CCDC102B: variants seen among roughly 807,000 people sequenced by gnomAD.
CCDC102B encodes the protein coiled-coil domain containing 102B, also known as coiled-coil domain-containing protein 102B.
CCDC102B carries 75 observed loss-of-function variants against 57.4 expected under a neutral mutation model. That is an observed-to-expected ratio of 1.31 (90% confidence interval 1.08 to 1.58). CCDC102B has a LOEUF of 1.58. Among genes scored for constraint, CCDC102B ranks in the 40% most tolerant of loss-of-function variants. The pLI is 0.00. For missense variants in CCDC102B, 636 were observed against 582.6 expected (o/e 1.09, Z -0.94); for synonymous variants, 206 against 201.9 (o/e 1.02, Z -0.17).
intron 2 of CCDC102B, among the ~76,000 whole-genome samples, chr18:68,790,208 C>G (rs1443467036): frequency 6.6e-6 from 1 of 151,586 alleles, no homozygotes; most frequent in African/African-American, 2.4e-5. Flanking sequence ...CAGCTGTGTG[C>G]TGGGAGAACC....
At chr18:68,959,335 T>C (rs2049987850) in intron 6 of CCDC102B, among the ~76,000 whole-genome samples, 1 of 152,170 alleles carries the variant, frequency 6.6e-6, no homozygotes, top group South Asian at 2.1e-4. Context: ...AAGACTCTTG[T>C]TCTCTTCCCT....
intron 7 of CCDC102B, among the ~76,000 whole-genome samples, chr18:69,019,288 T>C (rs939993838): frequency 1.6e-4 from 24 of 152,070 alleles, no homozygotes; most frequent in African/African-American, 5.5e-4. Flanking sequence ...AATCTGCAGA[T>C]AGCTTTGGGC....
At chr18:69,041,595 C>G (rs1490625880) in intron 7 of CCDC102B, among the ~76,000 whole-genome samples, 2 of 152,084 alleles carry the variant, frequency 1.3e-5, no homozygotes, top group Admixed American at 1.3e-4. Flanking sequence ...CCTTTATATG[C>G]CCCCAGGTTG....
intron 1 of CCDC102B, among the ~76,000 whole-genome samples, chr18:68,803,323 G>C (rs564354654): frequency 6.6e-6 from 1 of 152,090 alleles, no homozygotes; most frequent in Non-Finnish European, 1.5e-5. Context: ...TTTACATTAA[G>C]CATATAGTCT....
chr18:69,055,770 G>A (rs2052805968), downstream of CCDC102B, among the ~76,000 whole-genome samples: 2 of 152,074 alleles, frequency 1.3e-5, no homozygotes, highest in Admixed American at 1.3e-4. Flanking sequence ...GACTTCTATA[G>A]TTTCTTGCAC....
intron 6 of CCDC102B, among the ~76,000 whole-genome samples, chr18:69,004,674 A>T (rs1381584595): frequency 2.6e-5 from 4 of 152,094 alleles, no homozygotes; most frequent in Admixed American, 2.0e-4. Context: ...AATAATTGTC[A>T]CAATTGACAA....
chr18:68,984,503 T>C (rs886194190), intron 6 of CCDC102B, among the ~76,000 whole-genome samples: 1 of 152,130 alleles, frequency 6.6e-6, no homozygotes, highest in Non-Finnish European at 1.5e-5. Flanking sequence ...GCAAGCTTTC[T>C]AACTATGTCC....
chr18:68,801,602 A>G (rs2035856210), intron 1 of CCDC102B, among the ~76,000 whole-genome samples: 1 of 152,154 alleles, frequency 6.6e-6, no homozygotes, highest in African/African-American at 2.4e-5. Flanking sequence ...GAATTTATAA[A>G]TATATCTTAT....
At chr18:68,923,737 AAGC>A (rs1399405649) in intron 6 of CCDC102B, among the ~76,000 whole-genome samples, 1 of 152,116 alleles carries the variant, frequency 6.6e-6, no homozygotes, top group African/African-American at 2.4e-5. Flanking sequence ...GAATTGCATT[AAGC>A]TTGTTGTCTT....
chr18:68,946,797 G>A (rs2049553035), intron 6 of CCDC102B, among the ~76,000 whole-genome samples: 2 of 151,926 alleles, frequency 1.3e-5, no homozygotes, highest in African/African-American at 2.4e-5. Context: ...TTAACAAGTA[G>A]GATAAAGATT....
At chr18:68,765,320 GGAAGGAA>G (rs2034404833) in intron 2 of CCDC102B, among the ~76,000 whole-genome samples, 1 of 40,618 alleles carries the variant, frequency 2.5e-5, no homozygotes, top group Non-Finnish European at 5.2e-5. Flanking sequence ...AAGGAAGGAA[GGAAGGAA>G]AGAAAGAAAG....
chr18:69,041,054 G>A (rs898683947), intron 7 of CCDC102B, among the ~76,000 whole-genome samples: 8 of 151,946 alleles, frequency 5.3e-5, no homozygotes, highest in African/African-American at 1.7e-4. Context: ...AGAAATCAAG[G>A]CCCAAAGGAA....
At chr18:69,037,015 G>GT (rs1246409342) in intron 7 of CCDC102B, among the ~76,000 whole-genome samples, 1 of 94,382 alleles carries the variant, frequency 1.1e-5, no homozygotes, top group Non-Finnish European at 2.2e-5. Flanking sequence ...ATATATGTGT[G>GT]GGGGTGTATA....
rs1207397243 is a variant in CCDC102B, at chr18:68,733,918, C to G, written c.-67+17324C>G. ...TAGTTCAGCATCAAAGAGTAAGGTC[C>G]GAACAACTGCCTCGACTCACATGTT... On this transcript the variant is annotated intron_variant, in intron 2 of 3. Transcript: ENST00000578970. Among the ~76,000 whole-genome samples, 13 of 152,218 alleles carry G rather than the reference C, an allele frequency of 8.5e-5. No individual in the cohort carries two copies. In the East Asian group the frequency reaches 2.1e-3, roughly 25 times the overall value.
intron 6 of CCDC102B, among the ~76,000 whole-genome samples, chr18:69,008,851 G>A (rs923478835): frequency 6.6e-6 from 1 of 152,106 alleles, no homozygotes; most frequent in Non-Finnish European, 1.5e-5. Context: ...TTTGCATTTT[G>A]CTTTAACATT....
At chr18:68,956,563 TTATATATTTTATATATATAA>T (rs1335816783) in intron 6 of CCDC102B, among the ~76,000 whole-genome samples, 1 of 6,040 alleles carries the variant, frequency 1.7e-4, no homozygotes, top group African/African-American at 4.1e-4. Flanking sequence ...ATTATATATA[TTATATATTTTATATATATAA>T]ATATTATATA....
chr18:68,717,076 CAAAAAAA>C (rs762558435), intron 2 of CCDC102B, among the ~76,000 whole-genome samples: 3 of 103,222 alleles, frequency 2.9e-5, no homozygotes, highest in South Asian at 3.3e-4. Context: ...GACTCTGTTT[CAAAAAAA>C]AAAAAAAAAA....
chr18:68,922,809 G>T (rs549915812), intron 6 of CCDC102B, among the ~76,000 whole-genome samples: 1 of 142,790 alleles, frequency 7.0e-6, no homozygotes, highest in Admixed American at 7.0e-5. Flanking sequence ...TTCCCATTGG[G>T]GGAAAGGATA....
intron 5 of CCDC102B, among the ~76,000 whole-genome samples, chr18:68,889,714 C>T (rs149463930): frequency 0.02 from 3,088 of 152,294 alleles, 30 homozygotes; most frequent in Admixed American, 0.027. Flanking sequence ...ACTGGGATTA[C>T]AGGCGTGAGC....
Sources: gnomAD v4.1 joint callset for allele counts (sites outside exome capture counted in the v4.1 genomes callset) on GRCh38, gnomAD v4.1.1 for gene constraint, MANE v1.5 for transcripts, NCBI Gene and HGNC (gene_info 2026-07-23, HGNC 2026-07-21) for gene names.